The following FAM204A variants were observed in gnomAD, a reference collection of about 807,000 sequenced individuals.
FAM204A encodes the protein protein FAM204A.
In FAM204A, 16 loss-of-function variants were observed where a neutral mutation model predicts 35.4. That is an observed-to-expected ratio of 0.45 (90% CI 0.31 to 0.69). The LOEUF (loss-of-function observed/expected upper bound fraction) is 0.69, where lower values mean the gene tolerates loss of function less well. FAM204A is among the 30% of genes least tolerant of loss of function. The pLI is 0.07. For missense variants in FAM204A, 240 were observed against 265.7 expected, an observed-to-expected ratio of 0.90 and a Z score of 0.67; for synonymous variants, 76 against 86.9, an observed-to-expected ratio of 0.88 and a Z score of 0.70.
At position 118,299,669 on chromosome 10, in the gene FAM204A, C is replaced by T. The variant is rs1349342406; in HGVS notation, c.*11188G>A. 6.6e-6 allele frequency: 1 copy of T among 152,138 alleles called. No homozygotes were observed. The highest frequency in any genetic ancestry group is 1.9e-4 in the East Asian group (1 of 5,172). 9.4% of individuals were successfully genotyped at this position (152,138 alleles called of 1,614,324 possible). A position where few individuals can be genotyped will look rare whatever the true frequency, so the allele number is the denominator to read the frequency against. On this transcript the variant is annotated 3_prime_UTR_variant, in exon 9 of 9. Transcript: ENST00000369183. ...GTGCTAGGATTACAGGAGTCGGCGA[C>T]CACACTTGGCCCAGAAAGGTCTTGA...
chr10:118,338,595 A>G (rs1846423527), intron 2 of FAM204A, among the ~76,000 whole-genome samples: 1 of 152,250 alleles, frequency 6.6e-6, no homozygotes, highest in Admixed American at 6.5e-5. Context: ...GGACAGAAGT[A>G]TATAAAACAG....
Position 118,335,599 on chromosome 10 carries a change from T to C in FAM204A, c.277A>G (p.Thr93Ala). Reference protein sequence around the residue: ...LHKKHSEQKSTTSRFRGKRRK... With the variant: ...LHKKHSEQKSATSRFRGKRRK... ...CTTTTCCCTCTGAATCTTGAGGTTG[T>C]GCTTTTCTGTTCAGAATGTTTTTTA... Residue 93 changes from threonine (T) to alanine (A), a missense_variant, in exon 4 of 9, where the codon ACA becomes GCA. Physicochemically the swap from Thr to Ala is moderately conservative, Grantham distance 58. Coordinates refer to ENST00000369183, the MANE Select transcript of FAM204A (RefSeq NM_022063.3). The C allele has an allele frequency of 6.2e-7, 1 of 1,611,074 alleles. No homozygotes were observed. Among genetic ancestry groups the C allele is most frequent in the Non-Finnish European group, 8.5e-7 (1 of 1,179,312 alleles).
Position 118,298,947 on chromosome 10 carries a change from A to G in FAM204A, c.*11910T>C, listed in dbSNP as rs1415998974. 1 of 152,226 alleles carries G rather than the reference A, an allele frequency of 6.6e-6. No homozygotes were observed. The highest frequency in any genetic ancestry group is 1.5e-5 in the Non-Finnish European group (1 of 68,036). 9.4% of individuals were successfully genotyped at this position (152,226 alleles called of 1,614,324 possible). On this transcript the variant is annotated 3_prime_UTR_variant, in exon 9 of 9. Transcript: ENST00000369183. ...TAATGTTTAATGGAAAAGGGCAGCG[A>G]TGGACTAATGGTTGCCTAGCAACCA... is the stretch of plus-strand genomic sequence containing the variant.
In FAM204A at chr10:118,307,527, A is replaced by G. The variant is rs932329632; in HGVS notation, c.*3330T>C. 1 of 152,220 alleles carries G rather than the reference A, an allele frequency of 6.6e-6. No individual in the cohort carries two copies. The highest frequency in any genetic ancestry group is 1.5e-5 in the Non-Finnish European group (1 of 68,024). 9.4% of individuals were successfully genotyped at this position (152,220 alleles called of 1,614,324 possible). ...ACTTCAAAATGAGATCTGACATAAC[A>G]TCGGCTTGCCTCCTCAAACTTTATC... On this transcript the variant is annotated 3_prime_UTR_variant, in exon 9 of 9. Transcript: ENST00000369183.
intron 1 of FAM204A, 139 bp from the exon 2 acceptor site, chr10:118,342,066 C>T (rs996894042): frequency 2.6e-5 from 4 of 152,394 alleles, no homozygotes; most frequent in East Asian, 1.9e-4. Context: ...TGCGACGCCC[C>T]TTTCGAGGAA....
At position 118,336,336 on chromosome 10, in the gene FAM204A, T is replaced by C; in HGVS notation, c.80A>G (p.Asn27Ser). Residue 27 changes from asparagine (N) to serine (S), a missense_variant, in exon 3 of 9, where the codon AAC becomes AGC. Physicochemically the swap from Asn to Ser is conservative, Grantham distance 46 (BLOSUM62 1). Coordinates refer to ENST00000369183, the MANE Select transcript of FAM204A (RefSeq NM_022063.3). ...ATCTTCCTGTAAGTTAAGTCCAGAG[T>C]TCTCCAACGTAGCTTCATCTTCCGA... The part of the protein sequence containing the change: ...SNSEDEATLE[N>S]SGLNLQEDKE... 2 of 1,613,984 alleles carry C rather than the reference T, an allele frequency of 1.2e-6. No homozygotes were observed. The highest frequency in any genetic ancestry group is 1.7e-6 in the Non-Finnish European group (2 of 1,179,880).
chr10:118,313,887 G>A (rs1845990672), intron 7 of FAM204A, among the ~76,000 whole-genome samples: 1 of 152,120 alleles, frequency 6.6e-6, no homozygotes, highest in African/African-American at 2.4e-5. Flanking sequence ...TTCCCAACAT[G>A]GCTGTCCTGG....
chr10:118,316,701 A>C (rs1846036200), intron 7 of FAM204A, among the ~76,000 whole-genome samples: 1 of 152,170 alleles, frequency 6.6e-6, no homozygotes, highest in African/African-American at 2.4e-5. Context: ...ATAGATATAT[A>C]TACAAATATC....
chr10:118,325,590 T>C (rs1428684628), intron 7 of FAM204A, among the ~76,000 whole-genome samples: 2 of 152,110 alleles, frequency 1.3e-5, no homozygotes, highest in Admixed American at 6.6e-5. Flanking sequence ...CTGGGGGAAT[T>C]TGCCCACACC....
chr10:118,328,576 T>C (rs1846236328), intron 6 of FAM204A, among the ~76,000 whole-genome samples: 1 of 147,308 alleles, frequency 6.8e-6, no homozygotes, highest in Non-Finnish European at 1.5e-5. Flanking sequence ...CACTGCAACC[T>C]CCACCTCCTG....
At chr10:118,333,586 C>T (rs1032639582) in intron 6 of FAM204A, among the ~76,000 whole-genome samples, 1 of 152,180 alleles carries the variant, frequency 6.6e-6, no homozygotes, top group Non-Finnish European at 1.5e-5. Flanking sequence ...TGCAATTATA[C>T]TGAACTACCA....
At chr10:118,327,749 C>T (rs1225373916) in intron 6 of FAM204A, among the ~76,000 whole-genome samples, 1 of 152,142 alleles carries the variant, frequency 6.6e-6, no homozygotes, top group Admixed American at 6.5e-5. Context: ...TATTTTGGTC[C>T]ACGTAAAGAT....
intron 6 of FAM204A, 69 bp from the exon 7 acceptor site, chr10:118,326,312 C>T (rs1201591931): frequency 3.1e-6 from 4 of 1,308,562 alleles, no homozygotes; most frequent in Non-Finnish European, 4.4e-6. Context: ...AAGACCATGT[C>T]ACAGAATTAT....
At position 118,339,770 on chromosome 10, in the gene FAM204A, G is replaced by C. The variant is rs80270737; in HGVS notation, c.-9+1957C>G. Among the ~76,000 whole-genome samples, 457 of 145,136 alleles carry C rather than the reference G, an allele frequency of 3.1e-3. 2 individuals are homozygous for C. Among genetic ancestry groups the C allele is most frequent in the African/African-American group, 0.011 (418 of 39,766 alleles). ...TCATTTTACACACCCTCCACCTCTA[G>C]AGTTAAGATTTATTCCATCCCACAA... is the stretch of plus-strand genomic sequence containing the variant. On this transcript the variant is annotated intron_variant, in intron 2 of 8. Transcript: ENST00000369183.
At chr10:118,337,302 A>C in intron 2 of FAM204A, 1 of 897,966 alleles carries the variant, frequency 1.1e-6, no homozygotes, top group Non-Finnish European at 1.3e-6. Flanking sequence ...AAGATGCTTA[A>C]AATAGAGAAG....
chr10:118,311,414 C>T, intron 7 of FAM204A, 101 bp from the exon 8 acceptor site: 1 of 905,884 alleles, frequency 1.1e-6, no homozygotes, highest in South Asian at 1.7e-5. Context: ...GTAAGAAAGC[C>T]ATGTCTAGAA....
intron 7 of FAM204A, among the ~76,000 whole-genome samples, chr10:118,313,122 C>A (rs1224122335): frequency 6.6e-6 from 1 of 152,008 alleles, no homozygotes; most frequent in Non-Finnish European, 1.5e-5. Flanking sequence ...AAGTTCCTAT[C>A]CACTGAAAAA....
chr10:118,300,038 G>A lies in FAM204A; in HGVS notation c.*10819C>T, dbSNP rs1241224135. Reference sequence around the variant, plus strand: ...ACTGTATTGAGGACCGTCCATGACAGCTTGCTGATTTGGGGGAGATGAGTG... The same window carrying A: ...ACTGTATTGAGGACCGTCCATGACAACTTGCTGATTTGGGGGAGATGAGTG... On this transcript the variant is annotated 3_prime_UTR_variant, in exon 9 of 9. Coordinates refer to ENST00000369183, the MANE Select transcript of FAM204A (RefSeq NM_022063.3). The A allele has an allele frequency of 6.6e-6, 1 of 152,208 alleles. No individual in the cohort carries two copies. Among genetic ancestry groups the A allele is most frequent in the Non-Finnish European group, 1.5e-5 (1 of 68,052 alleles). 9.4% of individuals were successfully genotyped at this position (152,208 alleles called of 1,614,324 possible). A position where few individuals can be genotyped will look rare whatever the true frequency, so the allele number is the denominator to read the frequency against.
chr10:118,335,449 C>T, intron 4 of FAM204A, 23 bp from the exon 5 acceptor site: 2 of 1,598,498 alleles, frequency 1.3e-6, no homozygotes, highest in South Asian at 2.3e-5. Flanking sequence ...CACAAAGTGT[C>T]AATACCTAAC....
Sources: allele counts gnomAD v4.1 joint callset (sites outside exome capture counted in the v4.1 genomes callset), GRCh38; gene constraint gnomAD v4.1.1; transcripts MANE v1.5; gene names NCBI Gene and HGNC (gene_info 2026-07-23, HGNC 2026-07-21).